AIDA: variants seen among roughly 807,000 people sequenced by gnomAD.
AIDA encodes axin interactor, dorsalization associated.
A neutral mutation model predicts 42.7 loss-of-function variants in AIDA; 18 were observed. The ratio of observed to expected loss-of-function variants is 0.42; its 90% CI spans 0.29 to 0.63. The LOEUF is 0.63. Among genes scored for constraint, AIDA ranks in the 20% least tolerant of loss-of-function variants. The pLI is 0.19. For synonymous variants in AIDA, 104 were observed against 122.9 expected (o/e 0.85, Z 1.02); for missense variants, 250 against 354.1 (o/e 0.71, Z 2.36).
rs1364875920 is a variant in AIDA, at chr1:222,668,934, T to TA, written c.*958dup. The TA allele has an allele frequency of 3.3e-5, 5 of 151,114 alleles. No homozygotes were observed. Among genetic ancestry groups the TA allele is most frequent in the Admixed American group, 1.3e-4 (2 of 15,138 alleles). 9.4% of individuals were successfully genotyped at this position (151,114 alleles called of 1,614,324 possible). On this transcript the variant is annotated 3_prime_UTR_variant, in exon 10 of 10. Coordinates refer to ENST00000340020, the MANE Select transcript of AIDA (RefSeq NM_022831.4). ...TAAATGGCGATCCTATCTACCTATA[T>TA]AAAAAAAATAGAATATCTTTCCAGA...
In AIDA at chr1:222,700,979, G is replaced by GT. The variant is rs939590949; in HGVS notation, c.180+2168_180+2169insA. Among the ~76,000 whole-genome samples, 34 of 145,696 alleles carry GT rather than the reference G, an allele frequency of 2.3e-4. 1 individual carries two copies. Among genetic ancestry groups the GT allele is most frequent in the South Asian group, 4.4e-4 (2 of 4,514 alleles). On this transcript the variant is annotated intron_variant, in intron 2 of 9. Transcript: ENST00000340020. ...CATTTCTTGATTTTTTTTGGGGGGG[G>GT]GGGGACAGGGTCTCACTGTGTCGCC...
intron 6 of AIDA, among the ~76,000 whole-genome samples, chr1:222,679,812 G>C (rs1238072575): frequency 6.6e-6 from 1 of 152,198 alleles, no homozygotes; most frequent in African/African-American, 2.4e-5. Context: ...CATCTGCAAA[G>C]TCTCTGTTGC....
intron 6 of AIDA, among the ~76,000 whole-genome samples, chr1:222,680,450 C>T (rs1478603409): frequency 1.3e-5 from 2 of 152,160 alleles, no homozygotes; most frequent in Non-Finnish European, 2.9e-5. Context: ...GAGGTATGAG[C>T]TAGGAGAGGA....
intron 1 of AIDA, among the ~76,000 whole-genome samples, chr1:222,706,013 C>T (rs189198913): frequency 2.6e-5 from 4 of 151,682 alleles, no homozygotes; most frequent in Admixed American, 2.0e-4. Context: ...TTTTAAAATG[C>T]GTAAAAGATT....
intron 6 of AIDA, among the ~76,000 whole-genome samples, chr1:222,680,724 C>T (rs1196777374): frequency 6.6e-6 from 1 of 151,876 alleles, no homozygotes; most frequent in Non-Finnish European, 1.5e-5. Context: ...AGTAAAGACA[C>T]CGATTATTTT....
intron 1 of AIDA, among the ~76,000 whole-genome samples, chr1:222,709,386 G>A (rs939315486): frequency 3.3e-5 from 5 of 152,076 alleles, no homozygotes; most frequent in Admixed American, 3.3e-4. Flanking sequence ...AGCCGAGATC[G>A]CGCCACTGCA....
intron 6 of AIDA, among the ~76,000 whole-genome samples, chr1:222,680,540 C>G (rs548323922): frequency 8.3e-4 from 127 of 152,286 alleles, no homozygotes; most frequent in Non-Finnish European, 1.5e-3. Context: ...TTTCACTGCA[C>G]TAGTGCACTG....
chr1:222,689,371 T>TG (rs1655285356), intron 4 of AIDA, among the ~76,000 whole-genome samples: 1 of 150,076 alleles, frequency 6.7e-6, no homozygotes, highest in South Asian at 2.1e-4. Context: ...ACCCAGGAGA[T>TG]GGAGGTTGCA....
In AIDA at chr1:222,712,212, G is replaced by C; in HGVS notation, c.106C>G (p.Gln36Glu). 3 of 1,600,794 alleles carry C rather than the reference G, an allele frequency of 1.9e-6. No individual in the cohort carries two copies. Among genetic ancestry groups the C allele is most frequent in the Non-Finnish European group, 2.6e-6 (3 of 1,173,234 alleles). Residue 36 changes from glutamine to glutamate, a missense_variant, in exon 1 of 10, where the codon CAG (glutamine) becomes GAG (glutamate). Gln to Glu is a conservative substitution (Grantham distance 29). This residue lies in a region of AIDA where 199 missense variants were observed against 232.6 expected (regional missense o/e 0.86). Coordinates refer to ENST00000340020, the MANE Select transcript of AIDA (RefSeq NM_022831.4). ...CTCCCGCGGTTAGTCACTCACATCT[G>C]ATACTCGTCTATCGCCTCCACCAGC... is the stretch of plus-strand genomic sequence containing the variant. The part of the protein sequence containing the change: ...GQLVEAIDEY[Q>E]ILARHLQKEA...
At chr1:222,687,969 T>C (rs1022123670) in intron 4 of AIDA, among the ~76,000 whole-genome samples, 12 of 152,008 alleles carry the variant, frequency 7.9e-5, no homozygotes, top group Admixed American at 7.9e-4. Context: ...AGACATGGGG[T>C]ACCAGAAAAA....
At chr1:222,682,247 G>GCATGATGGTCT (rs1277648083) in intron 6 of AIDA, among the ~76,000 whole-genome samples, 1 of 152,140 alleles carries the variant, frequency 6.6e-6, no homozygotes, top group African/African-American at 2.4e-5. Context: ...AGGGCAAATG[G>GCATGATGGTCT]CATGATGGTC....
intron 1 of AIDA, 139 bp from the exon 2 acceptor site, chr1:222,703,356 T>G: frequency 1.8e-6 from 1 of 548,104 alleles, no homozygotes; most frequent in South Asian, 3.3e-5. Context: ...GAGAACCAAA[T>G]TCTTCTCAAA....
At position 222,712,231 on chromosome 1, in the gene AIDA, C is replaced by T. The variant is rs1305031164; in HGVS notation, c.87G>A (p.Val29=). Residue 29 remains valine, a synonymous_variant, in exon 1 of 10, where the codon GTG becomes GTA. Coordinates refer to ENST00000340020, the MANE Select transcript of AIDA (RefSeq NM_022831.4). ...GADFDSWGQL[V]EAIDEYQILA... ...ACATCTGATACTCGTCTATCGCCTC[C>T]ACCAGCTGGCCCCAAGAGTCGAAGT... 1 of 1,602,530 alleles carries T rather than the reference C, an allele frequency of 6.2e-7. No homozygotes were observed. The highest frequency in any genetic ancestry group is 1.1e-5 in the South Asian group (1 of 89,148).
rs940954271 is a variant in AIDA, at chr1:222,673,295, T to G, written c.706+18A>C. 3.1e-6 allele frequency: 5 copies of G among 1,593,564 alleles called. 1 individual carries two copies. Among genetic ancestry groups the G allele is most frequent in the Admixed American group, 1.7e-5 (1 of 57,562 alleles). On this transcript the variant is annotated intron_variant, in intron 8 of 9. Coordinates refer to ENST00000340020, the MANE Select transcript of AIDA (RefSeq NM_022831.4). ...AATTCTGTCCATAAGAAGCCAAGTA[T>G]TATTTAGGATTACAAACCTTTGGTT...
chr1:222,700,971 T>TG (rs769851386), intron 2 of AIDA, among the ~76,000 whole-genome samples: 47,262 of 104,654 alleles, frequency 0.45, 11,167 homozygotes, highest in Non-Finnish European at 0.5. Context: ...TGATTTTTTT[T>TG]GGGGGGGGGG....
rs530364264 is a variant in AIDA, at chr1:222,704,119, G to A, written c.111-902C>T. 5.3e-5 allele frequency among the ~76,000 whole-genome samples: 8 copies of A among 152,244 alleles called. No individual in the cohort carries two copies. The South Asian group carries it at 1.5e-3, about 28-fold the overall frequency. Reference sequence around the variant, plus strand: ...TATCACTTCATACCCACTAGAATGAGTACAATTTTTTAAAAAATGGAACTG... The same window carrying A: ...TATCACTTCATACCCACTAGAATGAATACAATTTTTTAAAAAATGGAACTG... On this transcript the variant is annotated intron_variant, in intron 1 of 9. Coordinates refer to ENST00000340020, the MANE Select transcript of AIDA (RefSeq NM_022831.4).
At chr1:222,687,737 A>T (rs566467810) in intron 4 of AIDA, 79 bp from the exon 5 acceptor site, 9 of 1,107,634 alleles carry the variant, frequency 8.1e-6, no homozygotes, top group Non-Finnish European at 1.1e-5. Context: ...TTAATTTTTA[A>T]TCAATTTTAT....
intron 2 of AIDA, among the ~76,000 whole-genome samples, chr1:222,696,653 G>A (rs775706167): frequency 2.1e-4 from 32 of 152,070 alleles, no homozygotes; most frequent in Non-Finnish European, 4.0e-4. Context: ...ATGCAATATA[G>A]CAATATATAT....
At chr1:222,694,835 T>A (rs1655470749) in intron 2 of AIDA, among the ~76,000 whole-genome samples, 1 of 152,138 alleles carries the variant, frequency 6.6e-6, no homozygotes, top group Non-Finnish European at 1.5e-5. Flanking sequence ...TCATGTTGCA[T>A]TAGGAGAGAT....
Sources: gnomAD v4.1 joint callset for allele counts (sites outside exome capture counted in the v4.1 genomes callset) on GRCh38, gnomAD v4.1.1 for gene constraint, gnomAD v4.1.1 regional missense constraint, MANE v1.5 for transcripts, NCBI Gene and HGNC (gene_info 2026-07-23, HGNC 2026-07-21) for gene names.